GCA: variants seen among roughly 807,000 people sequenced by gnomAD.
The protein encoded by GCA is grancalcin, EF-hand calcium-binding protein.
In GCA, 30 loss-of-function variants were observed where a neutral mutation model predicts 32.6. The ratio of observed to expected loss-of-function variants is 0.92; its 90% CI spans 0.69 to 1.25. GCA has a LOEUF of 1.25. Among genes scored for constraint, GCA ranks in the 50% most tolerant of loss-of-function variants. The probability of loss-of-function intolerance (pLI) is 0.00; values close to 1 mark genes in which losing one functional copy is unlikely to be tolerated. For synonymous variants in GCA, 102 were observed against 84.6 expected, an observed-to-expected ratio of 1.21 and a Z score of -1.13; for missense variants, 291 against 266.8, an observed-to-expected ratio of 1.09 and a Z score of -0.63.
intron 1 of GCA, among the ~76,000 whole-genome samples, chr2:162,344,736 A>G (rs1225079125): frequency 1.3e-5 from 2 of 152,102 alleles, no homozygotes; most frequent in Non-Finnish European, 2.9e-5. Context: ...TGTTATACGA[A>G]GGGCAATCTG....
upstream of GCA, chr2:162,318,808 T>C (rs1576244273): frequency 5.9e-6 from 1 of 169,194 alleles, no homozygotes; most frequent in Non-Finnish European, 1.3e-5. Flanking sequence ...AGAGGAGGCC[T>C]TTGGTTAAGG....
At chr2:162,340,059 C>T (rs1447295288), upstream of GCA, among the ~76,000 whole-genome samples, 1 of 151,834 alleles carries the variant, frequency 6.6e-6, no homozygotes, top group East Asian at 1.9e-4. Flanking sequence ...TTTCTTAGTC[C>T]CCTTTCACTT....
chr2:162,372,077 G>A (rs142248539), downstream of GCA: 277 of 1,611,510 alleles, frequency 1.7e-4, 1 homozygote, highest in African/African-American at 3.5e-3. Flanking sequence ...GATTTTTCAA[G>A]GTCTAGAAAT....
chr2:162,337,960 A>G (rs1461186788), intron 1 of GCA, among the ~76,000 whole-genome samples: 1 of 152,146 alleles, frequency 6.6e-6, no homozygotes, highest in Non-Finnish European at 1.5e-5. Flanking sequence ...TTTGTGTGCT[A>G]TTTCCTGAAC....
chr2:162,338,700 G>A (rs74997864), intron 1 of GCA, among the ~76,000 whole-genome samples: 8 of 152,090 alleles, frequency 5.3e-5, no homozygotes, highest in African/African-American at 1.9e-4. Context: ...AAAATTTAAG[G>A]TAGGTATTTT....
chr2:162,351,422 C>G (rs745308602), intron 2 of GCA, among the ~76,000 whole-genome samples: 67 of 152,296 alleles, frequency 4.4e-4, no homozygotes, highest in Admixed American at 1.3e-4. Context: ...TTAATTAGGA[C>G]ATTCAGCTTT....
Position 162,360,760 on chromosome 2 carries a change from A to G in GCA, c.*517A>G. The G allele has an allele frequency of 7.2e-7, 1 of 1,385,704 alleles. No individual in the cohort carries two copies. Among genetic ancestry groups the G allele is most frequent in the Non-Finnish European group, 9.4e-7 (1 of 1,066,750 alleles). 85.8% of individuals were successfully genotyped at this position (1,385,704 alleles called of 1,614,324 possible). ...CAAATAATCAGAGAAAAGAAACTTAAAGATCTTTGTCTGTGAAGAAGAAAA... is the reference window on the plus strand; with the variant it reads ...CAAATAATCAGAGAAAAGAAACTTAGAGATCTTTGTCTGTGAAGAAGAAAA... On this transcript the variant is annotated 3_prime_UTR_variant, in exon 8 of 8. Transcript: ENST00000437150.
chr2:162,322,685 A>G (rs1683723030), intron 1 of GCA, among the ~76,000 whole-genome samples: 1 of 150,156 alleles, frequency 6.7e-6, no homozygotes, highest in Admixed American at 6.6e-5. Flanking sequence ...GCGATAGTTT[A>G]CTGAGAATGA....
chr2:162,373,928 CCTT>C (rs1193575488), downstream of GCA, among the ~76,000 whole-genome samples: 3 of 152,082 alleles, frequency 2.0e-5, no homozygotes, highest in South Asian at 2.1e-4. Flanking sequence ...TGTTTACTAA[CCTT>C]CATTGATTTC....
chr2:162,374,428 C>G (rs1409895995), downstream of GCA, among the ~76,000 whole-genome samples: 1 of 152,148 alleles, frequency 6.6e-6, no homozygotes, highest in East Asian at 1.9e-4. Flanking sequence ...AGATTCCCCT[C>G]CTTTGCATGT....
chr2:162,371,419 T>A (rs1685941189), exon 5 of GCA: 2 of 1,288,184 alleles, frequency 1.6e-6, no homozygotes, highest in Non-Finnish European at 2.0e-6. Flanking sequence ...GAGTTGAGGA[T>A]CATCTGAATT....
intron 3 of GCA, among the ~76,000 whole-genome samples, chr2:162,353,584 T>C (rs1204420648): frequency 6.6e-6 from 1 of 152,218 alleles, no homozygotes; most frequent in Non-Finnish European, 1.5e-5. Context: ...TTACAAATGA[T>C]TCTCAAGTAG....
chr2:162,332,919 A>G (rs1240563783), intron 1 of GCA, among the ~76,000 whole-genome samples: 1 of 152,126 alleles, frequency 6.6e-6, no homozygotes, highest in Non-Finnish European at 1.5e-5. Context: ...CTGTACTCCA[A>G]AAAGAGTACA....
intron 1 of GCA, chr2:162,346,598 T>A (rs950759023): frequency 1.3e-5 from 2 of 152,196 alleles, no homozygotes; most frequent in African/African-American, 2.4e-5. Context: ...ACTGCCAAGC[T>A]ATGAAAAAGT....
In GCA at chr2:162,360,609, T is replaced by A; in HGVS notation, c.*366T>A. ...TAATGAAAGCCTAGAAAAAACTAAT[T>A]TATACTTATCTGAAGGTTACAAATT... On this transcript the variant is annotated 3_prime_UTR_variant, in exon 8 of 8. Transcript: ENST00000437150. The A allele has an allele frequency of 8.3e-7, 1 of 1,208,762 alleles. No homozygotes were observed. The highest frequency in any genetic ancestry group is 3.4e-5 in the South Asian group (1 of 29,168). 74.9% of individuals were successfully genotyped at this position (1,208,762 alleles called of 1,614,324 possible).
In GCA at chr2:162,344,236, C is replaced by A; in HGVS notation, c.-13C>A. 1 of 1,613,684 alleles carries A rather than the reference C, an allele frequency of 6.2e-7. No homozygotes were observed. The highest frequency in any genetic ancestry group is 2.2e-5 in the East Asian group (1 of 44,846). Reference sequence around the variant, plus strand: ...ACTCGAGGGTGACGCTCGCTCCGCTCGTCCCGCTCGTCATGGCCTACCCGG... The same window carrying A: ...ACTCGAGGGTGACGCTCGCTCCGCTAGTCCCGCTCGTCATGGCCTACCCGG... On this transcript the variant is annotated 5_prime_UTR_variant, in exon 1 of 8. Transcript: ENST00000437150.
intron 1 of GCA, among the ~76,000 whole-genome samples, chr2:162,328,675 C>T (rs958220424): frequency 2.0e-5 from 3 of 152,102 alleles, no homozygotes; most frequent in Admixed American, 6.6e-5. Context: ...TTTAGTTTTG[C>T]TTTTAGTTTT....
At chr2:162,344,118 T>A (rs569823913), upstream of GCA, 44 of 917,880 alleles carry the variant, frequency 4.8e-5, no homozygotes, top group Admixed American at 2.4e-4. Flanking sequence ...TTCGGAGGAG[T>A]GAACTGTGCG....
chr2:162,344,116 A>C (rs976917683), upstream of GCA: 12 of 890,646 alleles, frequency 1.3e-5, no homozygotes, highest in Admixed American at 7.9e-5. Flanking sequence ...GGTTCGGAGG[A>C]GTGAACTGTG....
Sources: allele counts gnomAD v4.1 joint callset (sites outside exome capture counted in the v4.1 genomes callset), GRCh38; gene constraint gnomAD v4.1.1; transcripts MANE v1.5; gene names NCBI Gene and HGNC (gene_info 2026-07-23, HGNC 2026-07-21).